Variants in VRK2 observed in about 807,000 individuals in gnomAD.
VRK2 encodes VRK serine/threonine kinase 2.
A neutral mutation model predicts 57.6 loss-of-function variants in VRK2; 60 were observed. The ratio of observed to expected loss-of-function variants is 1.04; its 90% CI spans 0.85 to 1.29. VRK2 has a LOEUF of 1.29. Ranked by LOEUF, VRK2 falls within the 50% of genes most tolerant of loss-of-function variation. VRK2 has a pLI of 0.00. For synonymous variants in VRK2, 231 were observed against 199.2 expected (o/e 1.16, Z -1.35); for missense variants, 705 against 588.1 (o/e 1.20, Z -2.06).
chr2:58,136,741 G>T (rs1335237834), intron 10 of VRK2, among the ~76,000 whole-genome samples: 1 of 148,414 alleles, frequency 6.7e-6, no homozygotes. Flanking sequence ...TGGACAGAAA[G>T]ATGGGAAGAT....
intron 1 of VRK2, among the ~76,000 whole-genome samples, chr2:57,957,594 A>G (rs1572904255): frequency 6.8e-6 from 1 of 147,848 alleles, no homozygotes; most frequent in South Asian, 2.1e-4. Flanking sequence ...ATTTAAAACT[A>G]TATGTAGATA....
rs574804431 is a variant in VRK2 at position 57,999,039 on chromosome 2, G to C, written c.-438-26626G>C. Among the ~76,000 whole-genome samples, 8 of 151,908 alleles carry C rather than the reference G, an allele frequency of 5.3e-5. No homozygotes were observed. The South Asian group carries it at 1.7e-3, about 32-fold the overall frequency. ...AATATGAAAAAATTTATATCTACTG[G>C]ACAGTTGTTACATTATAAGGTATAA... On this transcript the variant is annotated intron_variant, in intron 1 of 15. Coordinates refer to the VRK2 transcript ENST00000417641.
At chr2:57,944,735 CAA>C (rs200114144) in intron 1 of VRK2, among the ~76,000 whole-genome samples, 10 of 121,212 alleles carry the variant, frequency 8.3e-5, no homozygotes, top group African/African-American at 6.2e-5. Context: ...GACTCTGTCT[CAA>C]AAAAAAAAAA....
At chr2:58,130,680 T>G (rs993864754) in intron 8 of VRK2, among the ~76,000 whole-genome samples, 2 of 152,202 alleles carry the variant, frequency 1.3e-5, no homozygotes, top group Admixed American at 6.5e-5. Context: ...CAGAGTTTAT[T>G]TCATGAAAGA....
intron 1 of VRK2, among the ~76,000 whole-genome samples, chr2:58,010,325 G>A (rs555508334): frequency 2.2e-4 from 34 of 152,098 alleles, no homozygotes; most frequent in African/African-American, 7.9e-4. Flanking sequence ...ACAAGTATGA[G>A]CTCTTATTAA....
Position 58,088,501 on chromosome 2 carries a change from A to G in VRK2, c.450+55A>G, listed in dbSNP as rs564229717. 9.6e-5 allele frequency: 123 copies of G among 1,280,020 alleles called. No homozygotes were observed. In the African/African-American group the frequency reaches 1.5e-3, roughly 15 times the overall value. The allele number at this position is 1,280,020 out of a possible 1,614,324, so 79.3% of individuals were successfully genotyped here. On this transcript the variant is annotated intron_variant, in intron 6 of 12. Coordinates refer to ENST00000340157, the MANE Select transcript of VRK2 (RefSeq NM_006296.7). Reference sequence around the variant, plus strand: ...TTCCAAATTGTTTACTTCTTGCAATATAGAAATCTTTTCCCTTTGTGGAAT... The same window carrying G: ...TTCCAAATTGTTTACTTCTTGCAATGTAGAAATCTTTTCCCTTTGTGGAAT...
At chr2:58,038,088 C>T (rs1376714160) in intron 3 of VRK2, among the ~76,000 whole-genome samples, 2 of 152,058 alleles carry the variant, frequency 1.3e-5, no homozygotes, top group Non-Finnish European at 2.9e-5. Flanking sequence ...TGAGGAGCAA[C>T]ATTGATATGG....
rs115276500 is a variant in VRK2, at chr2:58,105,726, G to T, written c.543+16003G>T. 9.1e-3 allele frequency among the ~76,000 whole-genome samples: 1,388 copies of T among 151,752 alleles called. 19 individuals carry two copies. Among genetic ancestry groups the T allele is most frequent in the African/African-American group, 0.031 (1,286 of 41,450 alleles). On this transcript the variant is annotated intron_variant, in intron 7 of 12. Transcript: ENST00000340157. Reference sequence around the variant, plus strand: ...GTGTAAATTAAATGAATTAACAGGTGCCCTTTTTTAGTGGCTCTTAAAAAT... The same window carrying T: ...GTGTAAATTAAATGAATTAACAGGTTCCCTTTTTTAGTGGCTCTTAAAAAT...
intron 2 of VRK2, among the ~76,000 whole-genome samples, chr2:58,062,478 T>C (rs1246468868): frequency 6.6e-6 from 1 of 152,088 alleles, no homozygotes; most frequent in African/African-American, 2.4e-5. Context: ...AAAGCTCAGA[T>C]AGGTTAAAGG....
chr2:58,025,652 A>G lies in VRK2; in HGVS notation c.-438-13A>G, dbSNP rs547645266. 3.3e-5 allele frequency: 5 copies of G among 152,324 alleles called. 1 individual carries two copies. Among genetic ancestry groups the G allele is most frequent in the African/African-American group, 1.2e-4 (5 of 41,572 alleles). 9.4% of individuals were successfully genotyped at this position (152,324 alleles called of 1,614,324 possible). On this transcript the variant is annotated splice_polypyrimidine_tract_variant and intron_variant, in intron 1 of 15. Coordinates refer to the VRK2 transcript ENST00000417641. Reference sequence around the variant, plus strand: ...CAGAGAACCAAGAAATGTGGCCTGAACTTATTTTTCAGAAATGGAATGAAT... The same window carrying G: ...CAGAGAACCAAGAAATGTGGCCTGAGCTTATTTTTCAGAAATGGAATGAAT...
At chr2:57,950,157 A>G (rs1036136902) in intron 1 of VRK2, among the ~76,000 whole-genome samples, 3 of 152,354 alleles carry the variant, frequency 2.0e-5, no homozygotes, top group Middle Eastern at 6.8e-3. Context: ...ATCCAGATAA[A>G]GCTAACATTA....
intron 1 of VRK2, among the ~76,000 whole-genome samples, chr2:58,016,369 T>A (rs1447958449): frequency 6.6e-6 from 1 of 151,232 alleles, no homozygotes. Context: ...TTTTTTGAAA[T>A]GGAGTCTTGC....
intron 2 of VRK2, among the ~76,000 whole-genome samples, chr2:58,065,214 A>T (rs899404713): frequency 1.3e-5 from 2 of 152,144 alleles, no homozygotes; most frequent in Non-Finnish European, 2.9e-5. Context: ...ACCCACCAAC[A>T]TAATTAGGAT....
At chr2:58,092,061 G>A (rs1443021309) in intron 7 of VRK2, among the ~76,000 whole-genome samples, 2 of 152,112 alleles carry the variant, frequency 1.3e-5, no homozygotes. Context: ...TAAATGTCAC[G>A]CTTTTAAATG....
chr2:58,137,202 C>CATATATA (rs1680549626), intron 10 of VRK2, among the ~76,000 whole-genome samples: 19 of 27,356 alleles, frequency 6.9e-4, no homozygotes, highest in African/African-American at 2.1e-3. Flanking sequence ...ACATATATAT[C>CATATATA]TCATATATGA....
intron 2 of VRK2, among the ~76,000 whole-genome samples, chr2:58,029,746 T>G (rs1674055739): frequency 6.6e-6 from 1 of 152,160 alleles, no homozygotes; most frequent in African/African-American, 2.4e-5. Flanking sequence ...TGGGGTCTAA[T>G]GAGCTTCTGG....
intron 1 of VRK2, among the ~76,000 whole-genome samples, chr2:57,940,486 C>T (rs1366459420): frequency 1.3e-5 from 2 of 152,080 alleles, no homozygotes; most frequent in African/African-American, 2.4e-5. Flanking sequence ...ACAGACAAAA[C>T]CAGAAATAAT....
At chr2:58,056,746 A>T (rs1558575330) in intron 2 of VRK2, among the ~76,000 whole-genome samples, 1 of 152,160 alleles carries the variant, frequency 6.6e-6, no homozygotes. Flanking sequence ...GTGTGGTGGC[A>T]TGTGATGCTT....
chr2:57,923,719 G>A (rs1353698894), intron 1 of VRK2, among the ~76,000 whole-genome samples: 3 of 151,886 alleles, frequency 2.0e-5, no homozygotes, highest in African/African-American at 7.2e-5. Flanking sequence ...CTGTGCTGAA[G>A]CTTTTTAGTT....
Sources: gnomAD v4.1 joint callset for allele counts (sites outside exome capture counted in the v4.1 genomes callset) on GRCh38, gnomAD v4.1.1 for gene constraint, MANE v1.5 for transcripts, NCBI Gene and HGNC (gene_info 2026-07-23, HGNC 2026-07-21) for gene names.